FBXO30: variants seen among roughly 807,000 people sequenced by gnomAD.
The protein encoded by FBXO30 is F-box protein 30, also known as F-box only protein 30.
FBXO30 carries 21 observed loss-of-function variants against 58.1 expected under a neutral mutation model. The ratio of observed to expected loss-of-function variants is 0.36; its 90% CI spans 0.26 to 0.52. The LOEUF is 0.52. Among genes scored for constraint, FBXO30 ranks in the 20% least tolerant of loss-of-function variants. The pLI is 0.93. For missense variants in FBXO30, 744 were observed against 897.3 expected, an observed-to-expected ratio of 0.83 and a Z score of 2.18; for synonymous variants, 309 against 312.4, an observed-to-expected ratio of 0.99 and a Z score of 0.11.
At position 145,795,830 on chromosome 6, in the gene FBXO30, A is replaced by T. The variant is rs1300452670; in HGVS notation, c.*4276T>A. On this transcript the variant is annotated 3_prime_UTR_variant, in exon 3 of 3. Coordinates refer to ENST00000237281, the MANE Select transcript of FBXO30 (RefSeq NM_032145.5). ...GATTATATATGTCAAATAAACATGTATAAGCAATTTATTTAAAAAAGTTTA... is the reference window on the plus strand; with the variant it reads ...GATTATATATGTCAAATAAACATGTTTAAGCAATTTATTTAAAAAAGTTTA... 1.3e-5 allele frequency: 2 copies of T among 151,944 alleles called. No individual in the cohort carries two copies. Among genetic ancestry groups the T allele is most frequent in the Non-Finnish European group, 2.9e-5 (2 of 67,854 alleles). The allele number at this position is 151,944 out of a possible 1,614,324, so 9.4% of individuals were successfully genotyped here.
chr6:145,804,331 C>T (rs1223718610), intron 2 of FBXO30, 41 bp downstream of exon 2: 1 of 1,514,158 alleles, frequency 6.6e-7, no homozygotes, highest in Non-Finnish European at 8.9e-7. Flanking sequence ...TTATTAAAGT[C>T]CTCTTTATGT....
At position 145,799,038 on chromosome 6, in the gene FBXO30, A is replaced by T. The variant is rs182771946; in HGVS notation, c.*1068T>A. The T allele has an allele frequency of 1.3e-5, 2 of 152,002 alleles. No homozygotes were observed. The highest frequency in any genetic ancestry group is 3.9e-4 in the East Asian group (2 of 5,172). 9.4% of individuals were successfully genotyped at this position (152,002 alleles called of 1,614,324 possible). On this transcript the variant is annotated 3_prime_UTR_variant, in exon 3 of 3. Coordinates refer to ENST00000237281, the MANE Select transcript of FBXO30 (RefSeq NM_032145.5). ...AGGTATATTTTTCCATTATACCTTG[A>T]TCATTATGTAAAGATGCAATTCTTA...
In FBXO30 at chr6:145,793,551, T is replaced by C. The variant is rs995443802; in HGVS notation, c.*6555A>G. ...TCTTACTCTAATACAACAAGTTGCA[T>C]TTGTTCTTTAAAAGAAACAAAGTAT... On this transcript the variant is annotated 3_prime_UTR_variant, in exon 3 of 3. Transcript: ENST00000237281. The C allele has an allele frequency of 6.6e-6, 1 of 152,092 alleles. No homozygotes were observed. Among genetic ancestry groups the C allele is most frequent in the African/African-American group, 2.4e-5 (1 of 41,448 alleles). 9.4% of individuals were successfully genotyped at this position (152,092 alleles called of 1,614,324 possible). A position where few individuals can be genotyped will look rare whatever the true frequency, so the allele number is the denominator to read the frequency against.
rs770624052 is a variant in FBXO30 at position 145,795,736 on chromosome 6, CTAAGG to C, written c.*4365_*4369del. ...TACAAAATGCCAGTTTTGAAATGTG[CTAAGG>C]TAACAAAGCACCTCAAGATGTATCG... On this transcript the variant is annotated 3_prime_UTR_variant, in exon 3 of 3. Coordinates refer to ENST00000237281, the MANE Select transcript of FBXO30 (RefSeq NM_032145.5). The C allele has an allele frequency of 4.0e-5, 6 of 151,728 alleles. No homozygotes were observed. The highest frequency in any genetic ancestry group is 7.4e-5 in the Non-Finnish European group (5 of 67,796). The allele number at this position is 151,728 out of a possible 1,614,324, so 9.4% of individuals were successfully genotyped here. A position where few individuals can be genotyped will look rare whatever the true frequency, so the allele number is the denominator to read the frequency against.
chr6:145,807,414 T>C (rs1050645192), intron 1 of FBXO30, among the ~76,000 whole-genome samples: 1 of 152,108 alleles, frequency 6.6e-6, no homozygotes, highest in Non-Finnish European at 1.5e-5. Context: ...CATATGCAAA[T>C]ACAGAAAAGC....
chr6:145,809,679 T>G (rs1054327549), intron 1 of FBXO30: 11 of 152,220 alleles, frequency 7.2e-5, no homozygotes, highest in Admixed American at 6.5e-4. Flanking sequence ...AACAAGTTCA[T>G]AACATTTATT....
In FBXO30 at chr6:145,805,041, G is replaced by A. The variant is rs752144204; in HGVS notation, c.1365C>T (p.Asp455=). The part of the protein sequence containing the change: ...DSRMADIYHI[D]VGTQTFSLPS... ...GAAGTGAAAAAGTCTGAGTCCCAAC[G>A]TCAATGTGATAAATATCAGCCATGC... The change falls in exon 2 of 3, where the codon GAC becomes GAT. Residue 455 remains aspartate, a synonymous_variant. Coordinates refer to ENST00000237281, the MANE Select transcript of FBXO30 (RefSeq NM_032145.5). The A allele has an allele frequency of 2.3e-5, 37 of 1,613,822 alleles. No individual in the cohort carries two copies. The highest frequency in any genetic ancestry group is 1.6e-4 in the Middle Eastern group (1 of 6,084).
chr6:145,814,787 T>G lies in FBXO30; in HGVS notation c.-201A>C, dbSNP rs1315707440. On this transcript the variant is annotated 5_prime_UTR_variant, in exon 1 of 3. Coordinates refer to ENST00000237281, the MANE Select transcript of FBXO30 (RefSeq NM_032145.5). ...CGGCCTGCTCCAGAGGCAGCCACCC[T>G]CCTCGCGCGCCCCGCCCCGCTGCGC... The G allele has an allele frequency of 6.6e-6, 1 of 152,022 alleles. No individual in the cohort carries two copies. The highest frequency in any genetic ancestry group is 6.6e-5 in the Admixed American group (1 of 15,246). The allele number at this position is 152,022 out of a possible 1,614,324, so 9.4% of individuals were successfully genotyped here. A position where few individuals can be genotyped will look rare whatever the true frequency, so the allele number is the denominator to read the frequency against.
rs1416683886 is a variant in FBXO30, at chr6:145,795,829, T to G, written c.*4277A>C. 6.6e-6 allele frequency: 1 copy of G among 151,896 alleles called. No individual in the cohort carries two copies. The highest frequency in any genetic ancestry group is 1.9e-4 in the East Asian group (1 of 5,186). The allele number at this position is 151,896 out of a possible 1,614,324, so 9.4% of individuals were successfully genotyped here. On this transcript the variant is annotated 3_prime_UTR_variant, in exon 3 of 3. Coordinates refer to ENST00000237281, the MANE Select transcript of FBXO30 (RefSeq NM_032145.5). ...AGATTATATATGTCAAATAAACATG[T>G]ATAAGCAATTTATTTAAAAAAGTTT...
intron 1 of FBXO30, among the ~76,000 whole-genome samples, chr6:145,812,147 T>C (rs1275369563): frequency 6.6e-6 from 1 of 152,220 alleles, no homozygotes; most frequent in African/African-American, 2.4e-5. Context: ...TATTAAACTT[T>C]CGTTCTTTTT....
chr6:145,807,812 C>CTTT (rs1778219878), intron 1 of FBXO30, among the ~76,000 whole-genome samples: 2 of 151,982 alleles, frequency 1.3e-5, no homozygotes, highest in African/African-American at 4.8e-5. Context: ...GCAATAAAAA[C>CTTT]TTTAAAAGAT....
In FBXO30 at chr6:145,800,097, T is replaced by G. The variant is rs769473744; in HGVS notation, c.*9A>C. ...TGCTTGCATATATGTGCTAGTAATA[T>G]TACAACTTTTAAAGTACAGGTTTTA... is the stretch of plus-strand genomic sequence containing the variant. On this transcript the variant is annotated 3_prime_UTR_variant, in exon 3 of 3. Transcript: ENST00000237281. 1.2e-6 allele frequency: 2 copies of G among 1,606,468 alleles called. No individual in the cohort carries two copies. Among genetic ancestry groups the G allele is most frequent in the South Asian group, 1.1e-5 (1 of 90,834 alleles).
At chr6:145,806,956 C>T (rs1778191493) in intron 1 of FBXO30, among the ~76,000 whole-genome samples, 1 of 152,102 alleles carries the variant, frequency 6.6e-6, no homozygotes, top group Non-Finnish European at 1.5e-5. Flanking sequence ...ATTGATCTCT[C>T]CTTCTATATA....
Position 145,793,653 on chromosome 6 carries a change from C to T in FBXO30, c.*6453G>A, listed in dbSNP as rs367649760. 1.3e-4 allele frequency: 19 copies of T among 151,666 alleles called. 1 individual carries two copies. The highest frequency in any genetic ancestry group is 4.3e-4 in the African/African-American group (18 of 41,402). The allele number at this position is 151,666 out of a possible 1,614,324, so 9.4% of individuals were successfully genotyped here. A position where few individuals can be genotyped will look rare whatever the true frequency, so the allele number is the denominator to read the frequency against. The stretch of plus-strand genomic sequence containing the variant: ...GTTTTAAAAACACATCTTTAAAAAG[C>T]GTGATTGGGATGTGCCACAAGGAAT... On this transcript the variant is annotated 3_prime_UTR_variant, in exon 3 of 3. Transcript: ENST00000237281.
rs994716210 is a variant in FBXO30 at position 145,814,710 on chromosome 6, C to G, written c.-124G>C. ...TCCGTACCCCACACAGCCGTCCGAA[C>G]CGCCTCCTCCGCCCCTCTTCCCCAG... On this transcript the variant is annotated 5_prime_UTR_variant, in exon 1 of 3. Coordinates refer to ENST00000237281, the MANE Select transcript of FBXO30 (RefSeq NM_032145.5). 1 of 153,492 alleles carries G rather than the reference C, an allele frequency of 6.5e-6. No homozygotes were observed. The highest frequency in any genetic ancestry group is 1.4e-5 in the Non-Finnish European group (1 of 69,276). 9.5% of individuals were successfully genotyped at this position (153,492 alleles called of 1,614,324 possible).
chr6:145,804,376 T>C lies in FBXO30; in HGVS notation c.2030A>G (p.Glu677Gly), dbSNP rs2128665826. ...PEGNSSWQIK[E>G]KVWRFSTAFC... The stretch of plus-strand genomic sequence containing the variant: ...GGTTGTAAAGATTACACTAACCTTT[T>C]CTTTTATCTGCCATGATGAATTTCC... The change falls in exon 2 of 3, where the codon GAA (glutamate) becomes GGA (glycine). Residue 677 changes from glutamate to glycine, a missense_variant. Physicochemically the swap from Glu to Gly is moderately conservative, Grantham distance 98. Coordinates refer to ENST00000237281, the MANE Select transcript of FBXO30 (RefSeq NM_032145.5). The C allele has an allele frequency of 1.2e-6, 2 of 1,610,076 alleles. No individual in the cohort carries two copies. Among genetic ancestry groups the C allele is most frequent in the East Asian group, 4.5e-5 (2 of 44,842 alleles).
In FBXO30 at chr6:145,806,232, C is replaced by T. The variant is rs758552631; in HGVS notation, c.174G>A (p.Val58=). ...EHRLLCPFER[V]PCLNSDFGCP... is the part of the protein sequence containing the mutation. ...ATCCAAAGTCACTATTTAAGCAAGG[C>T]ACTCGTTCAAATGGACATAAAAGTC... Residue 58 remains valine (V), a synonymous_variant, in exon 2 of 3, where the codon GTG becomes GTA. Transcript: ENST00000237281. The T allele has an allele frequency of 4.3e-6, 7 of 1,613,976 alleles. No individual in the cohort carries two copies. In the African/African-American group the frequency reaches 9.3e-5, roughly 22 times the overall value.
rs1777947144 is a variant in FBXO30 at position 145,800,016 on chromosome 6, T to C, written c.*90A>G. The C allele has an allele frequency of 2.2e-6, 2 of 910,676 alleles. No individual in the cohort carries two copies. Among genetic ancestry groups the C allele is most frequent in the African/African-American group, 1.7e-5 (1 of 58,872 alleles). The allele number at this position is 910,676 out of a possible 1,614,324, so 56.4% of individuals were successfully genotyped here. The stretch of plus-strand genomic sequence containing the variant: ...ACACAGTGACAATAAATTTAGCTAG[T>C]TGTAATATTTAATACATTAATAAAG... On this transcript the variant is annotated 3_prime_UTR_variant, in exon 3 of 3. Transcript: ENST00000237281.
chr6:145,801,229 C>T (rs1259683847), intron 2 of FBXO30, among the ~76,000 whole-genome samples: 2 of 152,116 alleles, frequency 1.3e-5, no homozygotes, highest in African/African-American at 4.8e-5. Flanking sequence ...AGTTTATCAA[C>T]AGGCAAATGT....
Sources: allele counts gnomAD v4.1 joint callset (sites outside exome capture counted in the v4.1 genomes callset), GRCh38; gene constraint gnomAD v4.1.1; transcripts MANE v1.5; gene names NCBI Gene and HGNC (gene_info 2026-07-23, HGNC 2026-07-21).